DENND1A: variants seen among roughly 807,000 people sequenced by gnomAD.
DENND1A encodes DENN domain-containing protein 1A.
DENND1A carries 51 observed loss-of-function variants against 113.7 expected under a neutral mutation model. The observed-to-expected ratio is 0.45, with a 90% CI of 0.36 to 0.57. The LOEUF is 0.57. Among genes scored for constraint, DENND1A ranks in the 20% least tolerant of loss-of-function variants. DENND1A has a pLI of 0.00. For synonymous variants in DENND1A, 565 were observed against 570.8 expected (o/e 0.99, Z 0.14); for missense variants, 1,258 against 1,395.9 (o/e 0.90, Z 1.57).
At chr9:123,644,489 C>T (rs1361144827) in intron 9 of DENND1A, among the ~76,000 whole-genome samples, 5 of 148,646 alleles carry the variant, frequency 3.4e-5, no homozygotes, top group Middle Eastern at 3.5e-3. Context: ...CCAGATTTGG[C>T]TCAGGGTATC....
intron 13 of DENND1A, among the ~76,000 whole-genome samples, chr9:123,474,678 G>T (rs573430909): frequency 6.6e-6 from 1 of 152,326 alleles, no homozygotes; most frequent in East Asian, 1.9e-4. Context: ...TGGTGAGCAA[G>T]TGACTTCAAA....
intron 5 of DENND1A, among the ~76,000 whole-genome samples, chr9:123,727,867 G>A (rs896202763): frequency 3.9e-5 from 6 of 152,086 alleles, no homozygotes; most frequent in African/African-American, 1.4e-4. Flanking sequence ...AGCACTTTGG[G>A]AGGCTGAGGC....
chr9:123,610,441 A>AC (rs2060365871), intron 10 of DENND1A, among the ~76,000 whole-genome samples: 1 of 152,174 alleles, frequency 6.6e-6, no homozygotes, highest in Non-Finnish European at 1.5e-5. Context: ...TCAGTGGTAG[A>AC]CCTGGGATTT....
intron 10 of DENND1A, among the ~76,000 whole-genome samples, chr9:123,627,028 T>C (rs1385338036): frequency 6.6e-6 from 1 of 152,056 alleles, no homozygotes; most frequent in Non-Finnish European, 1.5e-5. Flanking sequence ...AGACCCTATG[T>C]CCCCCTCTTC....
rs776698653 is a variant in DENND1A at position 123,792,536 on chromosome 9, C to T, written c.132+51G>A. ...AAAAGAACAGTAATAATATGTTGAACAACTCTGAAATAAATTTTGTCATGT... is the reference window on the plus strand; with the variant it reads ...AAAAGAACAGTAATAATATGTTGAATAACTCTGAAATAAATTTTGTCATGT... On this transcript the variant is annotated intron_variant, in intron 3 of 23. Transcript: ENST00000394215. The T allele has an allele frequency of 2.6e-5, 41 of 1,580,792 alleles. 1 individual carries two copies. The South Asian group carries it at 4.2e-4, about 16-fold the overall frequency.
intron 13 of DENND1A, among the ~76,000 whole-genome samples, chr9:123,477,821 CT>C (rs1195214994): frequency 6.6e-6 from 1 of 151,922 alleles, no homozygotes; most frequent in Non-Finnish European, 1.5e-5. Context: ...AATGAAATTG[CT>C]TTCCAAATCC....
intron 13 of DENND1A, among the ~76,000 whole-genome samples, chr9:123,507,241 A>AATATTTTAC (rs1448207247): frequency 4.6e-5 from 7 of 152,228 alleles, no homozygotes; most frequent in Non-Finnish European, 1.0e-4. Context: ...TTACACGGGT[A>AATATTTTAC]ACTGTGCTAA....
At position 123,764,734 on chromosome 9, in the gene DENND1A, C is replaced by A. The variant is rs1372251364; in HGVS notation, c.182+4780G>T. 6.6e-6 allele frequency among the ~76,000 whole-genome samples: 1 copy of A among 152,188 alleles called. No individual in the cohort carries two copies. Among genetic ancestry groups the A allele is most frequent in the South Asian group, 2.1e-4 (1 of 4,828 alleles). On this transcript the variant is annotated intron_variant, in intron 4 of 23. Coordinates refer to ENST00000394215, the MANE Select transcript of DENND1A (RefSeq NM_001352964.2). The surrounding 1 kb of genome is among the most constrained non-coding windows in gnomAD (Gnocchi z 4.1). The stretch of plus-strand genomic sequence containing the variant: ...TTAAAAGTATCAAAAGCAGAAGGAA[C>A]AGCAGAGATTGATGGAATCCAATTC...
chr9:123,645,158 CG>C (rs1439364757), intron 9 of DENND1A, among the ~76,000 whole-genome samples: 2 of 152,030 alleles, frequency 1.3e-5, no homozygotes, highest in Non-Finnish European at 1.5e-5. Context: ...CGAGAAACCC[CG>C]AAATGCATAT....
At chr9:123,721,712 A>G (rs2067354236) in intron 5 of DENND1A, among the ~76,000 whole-genome samples, 1 of 152,194 alleles carries the variant, frequency 6.6e-6, no homozygotes, top group Non-Finnish European at 1.5e-5. Flanking sequence ...TCCCTGTACC[A>G]GCTGTCTTTA....
chr9:123,389,160 C>T (rs1298656029), intron 21 of DENND1A, among the ~76,000 whole-genome samples: 1 of 152,266 alleles, frequency 6.6e-6, no homozygotes, highest in Non-Finnish European at 1.5e-5. Context: ...GGGGACGGGG[C>T]AGGTGGCCTG....
chr9:123,649,070 T>C (rs112894212), intron 9 of DENND1A, among the ~76,000 whole-genome samples: 3 of 152,176 alleles, frequency 2.0e-5, no homozygotes, highest in African/African-American at 7.2e-5. Flanking sequence ...GTCAAGTATG[T>C]TGTGGCTCTT....
intron 1 of DENND1A, among the ~76,000 whole-genome samples, chr9:123,894,762 A>T (rs1253086339): frequency 1.3e-5 from 2 of 151,070 alleles, no homozygotes; most frequent in Non-Finnish European, 2.9e-5. Context: ...TGGTGACAGG[A>T]GATGATCATT....
At chr9:123,641,941 G>C (rs547060548) in intron 9 of DENND1A, among the ~76,000 whole-genome samples, 1 of 152,234 alleles carries the variant, frequency 6.6e-6, no homozygotes, top group South Asian at 2.1e-4. Context: ...CTAATCCATG[G>C]ATCAGAACTG....
At chr9:123,566,468 T>C (rs2058058147) in intron 12 of DENND1A, among the ~76,000 whole-genome samples, 1 of 152,120 alleles carries the variant, frequency 6.6e-6, no homozygotes, top group Non-Finnish European at 1.5e-5. Flanking sequence ...TTGTGGGCTG[T>C]GTATATGTCA....
chr9:123,670,879 G>C (rs565643899), intron 7 of DENND1A, among the ~76,000 whole-genome samples: 10 of 152,194 alleles, frequency 6.6e-5, no homozygotes, highest in Non-Finnish European at 1.5e-4. Flanking sequence ...TGGCAAACAG[G>C]GGAGAGGCAA....
At chr9:123,851,087 G>A (rs1843280940) in intron 2 of DENND1A, among the ~76,000 whole-genome samples, 1 of 152,112 alleles carries the variant, frequency 6.6e-6, no homozygotes, top group Non-Finnish European at 1.5e-5. Context: ...ATAATTTGAT[G>A]AGTTTTGACA....
At chr9:123,920,989 A>AGAC (rs1856141905) in intron 1 of DENND1A, among the ~76,000 whole-genome samples, 1 of 152,196 alleles carries the variant, frequency 6.6e-6, no homozygotes, top group African/African-American at 2.4e-5. Context: ...AGTGCTTTGT[A>AGAC]TATATCAGCA....
intron 12 of DENND1A, among the ~76,000 whole-genome samples, chr9:123,569,083 T>C (rs2058216211): frequency 6.6e-6 from 1 of 152,204 alleles, no homozygotes; most frequent in African/African-American, 2.4e-5. Context: ...AACGAAAAAG[T>C]AGCCAAGATT....
Sources: allele counts gnomAD v4.1 joint callset (sites outside exome capture counted in the v4.1 genomes callset), GRCh38; gene constraint gnomAD v4.1.1; non-coding constraint Gnocchi (gnomAD v3.1); transcripts MANE v1.5; gene names NCBI Gene and HGNC (gene_info 2026-07-23, HGNC 2026-07-21).